Variants in CFAP61 observed in about 807,000 individuals in gnomAD.
CFAP61 encodes cilia and flagella associated protein 61.
A neutral mutation model predicts 135.6 loss-of-function variants in CFAP61; 107 were observed. The observed-to-expected ratio is 0.79, with a 90% CI of 0.67 to 0.93. The LOEUF is 0.93. Among genes scored for constraint, CFAP61 ranks in the 40% least tolerant of loss-of-function variants. The probability of loss-of-function intolerance (pLI) is 0.00; values close to 1 mark genes in which losing one functional copy is unlikely to be tolerated. For missense variants in CFAP61, 1,507 were observed against 1,556.2 expected, an observed-to-expected ratio of 0.97 and a Z score of 0.53; for synonymous variants, 575 against 578.5, an observed-to-expected ratio of 0.99 and a Z score of 0.09.
At chr20:20,170,641 G>A (rs2054155831) in intron 13 of CFAP61, among the ~76,000 whole-genome samples, 1 of 152,110 alleles carries the variant, frequency 6.6e-6, no homozygotes, top group South Asian at 2.1e-4. Flanking sequence ...GTTTGGTGGA[G>A]GAGTGTCAGA....
At chr20:20,092,709 T>TA (rs1568883194) in intron 7 of CFAP61, among the ~76,000 whole-genome samples, 1 of 152,002 alleles carries the variant, frequency 6.6e-6, no homozygotes. Flanking sequence ...AAATAAAAGA[T>TA]ACAACTGGCC....
Position 20,325,345 on chromosome 20 carries a change from C to T in CFAP61, c.3423-16486C>T, listed in dbSNP as rs62200207. ...ACCCACCTTACAGTGTGAAACAGAA[C>T]GCCTTTCCATGCCTGGAAATCCTCT... is the stretch of plus-strand genomic sequence containing the variant. On this transcript the variant is annotated intron_variant, in intron 25 of 26. Transcript: ENST00000245957. Among the ~76,000 whole-genome samples the T allele has an allele frequency of 9.4e-3, 1,426 of 152,308 alleles. 12 individuals carry two copies. The highest frequency in any genetic ancestry group is 0.014 in the Non-Finnish European group (977 of 68,036).
chr20:20,331,707 C>A (rs953683802), intron 25 of CFAP61, among the ~76,000 whole-genome samples: 1 of 152,130 alleles, frequency 6.6e-6, no homozygotes, highest in African/African-American at 2.4e-5. Context: ...TTCTCTCTTG[C>A]TCCTTTGTCC....
At chr20:20,067,981 G>A (rs1191018524) in intron 2 of CFAP61, among the ~76,000 whole-genome samples, 1 of 151,900 alleles carries the variant, frequency 6.6e-6, no homozygotes, top group Non-Finnish European at 1.5e-5. Context: ...TTTTCCCATT[G>A]AAACAAAGTA....
intron 17 of CFAP61, among the ~76,000 whole-genome samples, chr20:20,217,892 T>C (rs2048143459): frequency 6.6e-6 from 1 of 152,202 alleles, no homozygotes; most frequent in African/African-American, 2.4e-5. Context: ...TCTCAGAACA[T>C]AATCTGCAAA....
intron 8 of CFAP61, among the ~76,000 whole-genome samples, chr20:20,099,275 AG>A (rs1186978392): frequency 1.3e-5 from 2 of 152,178 alleles, no homozygotes; most frequent in African/African-American, 4.8e-5. Flanking sequence ...TATGTAGTAT[AG>A]GTCTGTTGCA....
chr20:20,251,083 G>A (rs55736492), intron 19 of CFAP61, among the ~76,000 whole-genome samples: 1 of 152,146 alleles, frequency 6.6e-6, no homozygotes, highest in African/African-American at 2.4e-5. Flanking sequence ...TTGGCAGGAA[G>A]CCATACGCTA....
intron 2 of CFAP61, among the ~76,000 whole-genome samples, chr20:20,067,842 T>C (rs1262805941): frequency 6.7e-6 from 1 of 149,454 alleles, no homozygotes; most frequent in Admixed American, 6.7e-5. Flanking sequence ...TTTGTTCCCA[T>C]GGTGATTTTT....
chr20:20,348,249 A>T (rs976296065), intron 26 of CFAP61, among the ~76,000 whole-genome samples: 1 of 152,186 alleles, frequency 6.6e-6, no homozygotes, highest in Non-Finnish European at 1.5e-5. Flanking sequence ...TTAAATTTAG[A>T]AGCAAAAATA....
intron 25 of CFAP61, among the ~76,000 whole-genome samples, chr20:20,303,356 G>A (rs2056224917): frequency 6.6e-6 from 1 of 152,152 alleles, no homozygotes; most frequent in Admixed American, 6.5e-5. Context: ...GATTTGTGAT[G>A]AGTGTTTGGG....
At chr20:20,132,575 T>C (rs2050623476) in intron 8 of CFAP61, among the ~76,000 whole-genome samples, 1 of 152,140 alleles carries the variant, frequency 6.6e-6, no homozygotes, top group African/African-American at 2.4e-5. Flanking sequence ...TATCACTTTT[T>C]TGAGCAGTTC....
intron 20 of CFAP61, 73 bp from the exon 21 acceptor site, chr20:20,262,883 C>CTT (rs144717739): frequency 7.0e-3 from 5,087 of 728,078 alleles, no homozygotes; most frequent in South Asian, 9.8e-3. Flanking sequence ...GCTATGTCTA[C>CTT]TTTTTTTTTT....
intron 19 of CFAP61, 113 bp from the exon 20 acceptor site, chr20:20,251,482 C>G: frequency 1.1e-6 from 1 of 936,762 alleles, no homozygotes; most frequent in Non-Finnish European, 1.7e-6. Flanking sequence ...GGTAAACTCA[C>G]AGCAAGAGCA....
intron 9 of CFAP61, among the ~76,000 whole-genome samples, chr20:20,151,786 C>T (rs769361933): frequency 1.4e-5 from 2 of 138,614 alleles, no homozygotes; most frequent in Non-Finnish European, 3.0e-5. Flanking sequence ...GCTGAGATGG[C>T]GCCACTGCAC....
chr20:20,358,492 T>C (rs1203599987), intron 26 of CFAP61, among the ~76,000 whole-genome samples: 1 of 152,212 alleles, frequency 6.6e-6, no homozygotes, highest in African/African-American at 2.4e-5. Context: ...TTGGTTGGTT[T>C]GATACAATTC....
At chr20:20,215,835 CTAAAAA>C (rs1023355066) in intron 17 of CFAP61, among the ~76,000 whole-genome samples, 8 of 151,728 alleles carry the variant, frequency 5.3e-5, no homozygotes, top group Non-Finnish European at 1.2e-4. Context: ...TCATATTCAA[CTAAAAA>C]TAAAAATAAA....
chr20:20,056,136 G>A (rs531795520), intron 1 of CFAP61: 15 of 694,864 alleles, frequency 2.2e-5, no homozygotes, highest in African/African-American at 7.3e-5. Flanking sequence ...AGCCTATTGC[G>A]AGCATTTCCT....
chr20:20,157,148 G>A (rs1313311297), intron 9 of CFAP61, among the ~76,000 whole-genome samples: 1 of 151,976 alleles, frequency 6.6e-6, no homozygotes, highest in East Asian at 1.9e-4. Flanking sequence ...TCTCAGCTCA[G>A]TGCAACCTCC....
At chr20:20,351,706 C>A (rs1455109784) in intron 26 of CFAP61, among the ~76,000 whole-genome samples, 1 of 151,770 alleles carries the variant, frequency 6.6e-6, no homozygotes, top group Non-Finnish European at 1.5e-5. Context: ...GATCTCTATA[C>A]TGAGAGCTAT....
Sources: gnomAD v4.1 joint callset for allele counts (sites outside exome capture counted in the v4.1 genomes callset) on GRCh38, gnomAD v4.1.1 for gene constraint, MANE v1.5 for transcripts, NCBI Gene and HGNC (gene_info 2026-07-23, HGNC 2026-07-21) for gene names.